The following GPR179 variants were observed in gnomAD, a reference collection of about 807,000 sequenced individuals.
GPR179 encodes probable G protein-coupled receptor 179.
Under a neutral mutation model 70.8 loss-of-function variants are expected in GPR179, and 52 were observed. That is an observed-to-expected ratio of 0.73 (90% CI 0.59 to 0.93). The LOEUF (loss-of-function observed/expected upper bound fraction) is 0.93. Ranked by LOEUF, GPR179 falls within the 40% of genes least tolerant of loss-of-function variation. The probability of loss-of-function intolerance (pLI) is 0.00; values close to 1 mark genes in which losing one functional copy is unlikely to be tolerated. For synonymous variants in GPR179, 1,123 were observed against 1,169.0 expected, an observed-to-expected ratio of 0.96 and a Z score of 0.80; for missense variants, 2,734 against 2,966.8, an observed-to-expected ratio of 0.92 and a Z score of 1.82.
intron 2 of GPR179, among the ~76,000 whole-genome samples, chr17:38,338,129 A>T (rs140827780): frequency 5.3e-5 from 8 of 152,200 alleles, no homozygotes; most frequent in African/African-American, 1.9e-4. Flanking sequence ...ATCAGCTTCC[A>T]TCTTTGGCAC....
intron 2 of GPR179, 86 bp from the exon 3 acceptor site, chr17:38,337,806 TAC>T: frequency 3.2e-5 from 37 of 1,145,262 alleles, no homozygotes; most frequent in African/African-American, 4.7e-5. Flanking sequence ...AGGGTCCATC[TAC>T]CTCCCTATCC....
In GPR179 at chr17:38,325,901, C is replaced by G. The variant is rs1321211595; in HGVS notation, c.*564G>C. 1 of 152,462 alleles carries G rather than the reference C, an allele frequency of 6.6e-6. No homozygotes were observed. Among genetic ancestry groups the G allele is most frequent in the Non-Finnish European group, 1.5e-5 (1 of 68,234 alleles). The allele number at this position is 152,462 out of a possible 1,614,324, so 9.4% of individuals were successfully genotyped here. A position where few individuals can be genotyped will look rare whatever the true frequency, so the allele number is the denominator to read the frequency against. ...AAGGTCCTTAAAGCATTTTCAGGCCCCTATTTTGAGTCATTTTAGCTTTTC... is the reference window on the plus strand; with the variant it reads ...AAGGTCCTTAAAGCATTTTCAGGCCGCTATTTTGAGTCATTTTAGCTTTTC... On this transcript the variant is annotated 3_prime_UTR_variant, in exon 11 of 11. Coordinates refer to ENST00000616987, the MANE Select transcript of GPR179 (RefSeq NM_001004334.4).
rs1194266728 is a variant in GPR179, at chr17:38,324,816, G to A, written c.*1649C>T. On this transcript the variant is annotated 3_prime_UTR_variant, in exon 11 of 11. Coordinates refer to ENST00000616987, the MANE Select transcript of GPR179 (RefSeq NM_001004334.4). ...ATAAGGGCCCTAGGTAAGAGAATGA[G>A]GACATCTGGTCCCCAAAGGAGAGTA... Among the ~76,000 whole-genome samples the A allele has an allele frequency of 6.6e-6, 1 of 152,170 alleles. No homozygotes were observed.
Position 38,327,814 on chromosome 17 carries a change from C to T in GPR179, c.5755G>A (p.Asp1919Asn), listed in dbSNP as rs769640059. The change falls in exon 11 of 11, where the codon GAC becomes AAC. Residue 1919 changes from aspartate to asparagine, a missense_variant. Coordinates refer to ENST00000616987, the MANE Select transcript of GPR179 (RefSeq NM_001004334.4). Reference protein sequence around the residue: ...EATEKGDLRQDPKTGSFPEHI... With the variant: ...EATEKGDLRQNPKTGSFPEHI... ...TCTGGGAAGGAACCTGTCTTTGGGT[C>T]TTGTCTCAGGTCCCCCTTCTCTGTT... The T allele has an allele frequency of 1.2e-6, 2 of 1,614,056 alleles. No individual in the cohort carries two copies. The highest frequency in any genetic ancestry group is 2.7e-5 in the African/African-American group (2 of 74,910).
At position 38,326,207 on chromosome 17, in the gene GPR179, TTAGAAG is replaced by T. The variant is rs1420282975; in HGVS notation, c.*252_*257del. 2 of 447,254 alleles carry T rather than the reference TTAGAAG, an allele frequency of 4.5e-6. No homozygotes were observed. The highest frequency in any genetic ancestry group is 3.8e-5 in the Admixed American group (1 of 26,068). 27.7% of individuals were successfully genotyped at this position (447,254 alleles called of 1,614,324 possible). A position where few individuals can be genotyped will look rare whatever the true frequency, so the allele number is the denominator to read the frequency against. On this transcript the variant is annotated 3_prime_UTR_variant, in exon 11 of 11. Transcript: ENST00000616987. Reference sequence around the variant, plus strand: ...TACTGTAGGTGGATGGGAGGCGTCCTTAGAAGTAGAGTGTCCAGTCTTTGTTTCCTC... The same window carrying T: ...TACTGTAGGTGGATGGGAGGCGTCCTTAGAGTGTCCAGTCTTTGTTTCCTC...
In GPR179 at chr17:38,334,506, C is replaced by A. The variant is rs973630371; in HGVS notation, c.1784+198G>T. Among the ~76,000 whole-genome samples, 1 of 151,876 alleles carries A rather than the reference C, an allele frequency of 6.6e-6. No individual in the cohort carries two copies. The stretch of plus-strand genomic sequence containing the variant: ...TCTTCCTCCTCTTCTGTGTTGGGGG[C>A]CTCCTCACCTGGGCCAGGCATGGAG... On this transcript the variant is annotated intron_variant, in intron 8 of 10. Transcript: ENST00000616987. The surrounding 1 kb of genome is among the most constrained non-coding windows in gnomAD (Gnocchi z 4.7).
In GPR179 at chr17:38,336,087, G is replaced by A. The variant is rs1216079048; in HGVS notation, c.1285C>T (p.Leu429Phe). Reference protein sequence around the residue: ...LETVLFGFLLLYFPVFILYFK... With the variant: ...LETVLFGFLLFYFPVFILYFK... The stretch of plus-strand genomic sequence containing the variant: ...GGCCACAGACTCACAGGAAAGTAAA[G>A]CAGCAGGAATCCAAAAAGGACAGTT... Residue 429 changes from leucine (L) to phenylalanine (F), a missense_variant, in exon 5 of 11, where the codon CTT becomes TTT. By Grantham distance (22) the Leu-to-Phe change is conservative (BLOSUM62 0). Coordinates refer to ENST00000616987, the MANE Select transcript of GPR179 (RefSeq NM_001004334.4). 6 of 1,612,844 alleles carry A rather than the reference G, an allele frequency of 3.7e-6. No individual in the cohort carries two copies. The Admixed American group carries it at 8.3e-5, about 22-fold the overall frequency.
chr17:38,334,723 C>T lies in GPR179; in HGVS notation c.1765G>A (p.Ala589Thr), dbSNP rs758265415. Residue 589 changes from alanine to threonine, a missense_variant, in exon 8 of 11, where the codon GCT (alanine) becomes ACT (threonine). By Grantham distance (58) the Ala-to-Thr change is moderately conservative. Coordinates refer to ENST00000616987, the MANE Select transcript of GPR179 (RefSeq NM_001004334.4). The surrounding 1 kb of genome is among the most constrained non-coding windows in gnomAD (Gnocchi z 4.7). ...CCTCACCTGGCTGTGTGGAAGGCAG[C>T]GGAAAGCAGTAGCTCATTGTGCAGG... Reference protein sequence around the residue: ...IALHNELLLSAAFHTARFVLV... With the variant: ...IALHNELLLSTAFHTARFVLV... The T allele has an allele frequency of 1.3e-5, 21 of 1,613,592 alleles. No homozygotes were observed. The highest frequency in any genetic ancestry group is 4.5e-5 in the East Asian group (2 of 44,872).
At chr17:38,335,350 G>A (rs1013937163) in intron 6 of GPR179, 79 bp from the exon 7 acceptor site, 1 of 1,090,534 alleles carries the variant, frequency 9.2e-7, no homozygotes, top group African/African-American at 1.6e-5. Flanking sequence ...CCTGGTCTCT[G>A]TCCATTGCTG....
chr17:38,331,624 C>A, intron 10 of GPR179, 93 bp from the exon 11 acceptor site: 1 of 1,503,680 alleles, frequency 6.7e-7, no homozygotes, highest in East Asian at 2.3e-5. Context: ...ACCTTTTTCC[C>A]TTAGGGATCT....
chr17:38,335,452 C>A, intron 6 of GPR179, 139 bp downstream of exon 6: 1 of 770,210 alleles, frequency 1.3e-6, no homozygotes, highest in Non-Finnish European at 2.2e-6. Context: ...GAAGACAAGG[C>A]TATGGTGATG....
At position 38,326,435 on chromosome 17, in the gene GPR179, C is replaced by G; in HGVS notation, c.*30G>C. The stretch of plus-strand genomic sequence containing the variant: ...AAGGGCCTTGGCTCCTGAAAGCTAG[C>G]TCTGTGTTTGACCTCACCTAATAAG... On this transcript the variant is annotated 3_prime_UTR_variant, in exon 11 of 11. Transcript: ENST00000616987. 2.6e-6 allele frequency: 4 copies of G among 1,517,246 alleles called. No homozygotes were observed. The South Asian group carries it at 5.0e-5, about 19-fold the overall frequency. The allele number at this position is 1,517,246 out of a possible 1,614,324, so 94.0% of individuals were successfully genotyped here. A position where few individuals can be genotyped will look rare whatever the true frequency, so the allele number is the denominator to read the frequency against.
At position 38,334,825 on chromosome 17, in the gene GPR179, ACAG is replaced by A. The variant is rs754250424; in HGVS notation, c.1660_1662del (p.Leu554del). On this transcript the variant is annotated inframe_deletion, in exon 8 of 11. Transcript: ENST00000616987. This position sits in a 1 kb window ranked among gnomAD's most constrained non-coding sequence, Gnocchi z 4.7. ...GCGTAGCAGAGGAAGCTGCCCCAGC[ACAG>A]CAGCAGCAGCTCAGCTGTGGGGAGA... The A allele has an allele frequency of 1.9e-6, 3 of 1,612,514 alleles. No individual in the cohort carries two copies.
chr17:38,327,499 T>A lies in GPR179; in HGVS notation c.6070A>T (p.Thr2024Ser), dbSNP rs765238450. ...ACCCCTTTGACAGGGATTCTTTCAG[T>A]CACTTCCCAGGGACAGGTCTCAGCC... ...AKAETCPWEV[T>S]ERIPVKGVSR... The change falls in exon 11 of 11, where the codon ACT (threonine) becomes TCT (serine). Residue 2024 changes from threonine (T) to serine (S), a missense_variant. Physicochemically the swap from Thr to Ser is moderately conservative, Grantham distance 58. Coordinates refer to ENST00000616987, the MANE Select transcript of GPR179 (RefSeq NM_001004334.4). The A allele has an allele frequency of 3.1e-6, 5 of 1,614,116 alleles. No individual in the cohort carries two copies. In the East Asian group the frequency reaches 1.1e-4, roughly 36 times the overall value.
rs758872813 is a variant in GPR179, at chr17:38,327,565, C to T, written c.6004G>A (p.Val2002Ile). 7 of 1,614,050 alleles carry T rather than the reference C, an allele frequency of 4.3e-6. No homozygotes were observed. In the South Asian group the frequency reaches 4.4e-5, roughly 10 times the overall value. Residue 2002 changes from valine to isoleucine, a missense_variant, in exon 11 of 11, where the codon GTT becomes ATT. Coordinates refer to ENST00000616987, the MANE Select transcript of GPR179 (RefSeq NM_001004334.4). Reference sequence around the variant, plus strand: ...GATTTATACACACCTGCATCAGGAACATCCCATGGGCACACGTCAGCGGCC... The same window carrying T: ...GATTTATACACACCTGCATCAGGAATATCCCATGGGCACACGTCAGCGGCC... ...GRAADVCPWD[V>I]PDAGVYKSDS...
chr17:38,330,320 G>A lies in GPR179; in HGVS notation c.3249C>T (p.Ser1083=). The A allele has an allele frequency of 1.2e-6, 2 of 1,613,700 alleles. No homozygotes were observed. Among genetic ancestry groups the A allele is most frequent in the East Asian group, 4.5e-5 (2 of 44,868 alleles). ...HSLKAPVQQG[S]MRSLGLAIKA... is the part of the protein sequence containing the mutation. ...TAATCGCCAGCCCCAGGCTGCGCAT[G>A]GAACCCTGCTGAACAGGGGCCTTGA... The change falls in exon 11 of 11, where the codon TCC becomes TCT. Residue 1083 remains serine (S), a synonymous_variant. Transcript: ENST00000616987.
intron 10 of GPR179, among the ~76,000 whole-genome samples, chr17:38,332,995 C>A (rs867005475): frequency 6.6e-6 from 1 of 152,232 alleles, no homozygotes. Context: ...CACTCTCGGC[C>A]CTGCCTCTAG....
chr17:38,343,763 G>T lies in GPR179; in HGVS notation c.27C>A (p.Pro9=). Reference sequence around the variant, plus strand: ...AGCCCAGCAGCCCCCACATAGGAGGGGGCATGACCGCTCCCCTGGTGCCCA... The same window carrying T: ...AGCCCAGCAGCCCCCACATAGGAGGTGGCATGACCGCTCCCCTGGTGCCCA... The part of the protein sequence containing the change: MGTRGAVM[P]PPMWGLLGCC... Residue 9 remains proline, a synonymous_variant, in exon 1 of 11, where the codon CCC becomes CCA. Transcript: ENST00000616987. This position sits in a 1 kb window ranked among gnomAD's most constrained non-coding sequence, Gnocchi z 4.2. 1 of 1,526,086 alleles carries T rather than the reference G, an allele frequency of 6.6e-7. No homozygotes were observed. Among genetic ancestry groups the T allele is most frequent in the Non-Finnish European group, 8.8e-7 (1 of 1,137,750 alleles). The allele number at this position is 1,526,086 out of a possible 1,614,324, so 94.5% of individuals were successfully genotyped here.
chr17:38,327,593 G>A lies in GPR179; in HGVS notation c.5976C>T (p.Gly1992=). The A allele has an allele frequency of 6.2e-7, 1 of 1,614,144 alleles. No homozygotes were observed. The highest frequency in any genetic ancestry group is 8.5e-7 in the Non-Finnish European group (1 of 1,180,036). Reference sequence around the variant, plus strand: ...CCCATGGGCACACGTCAGCGGCCCTGCCCCCAGTGCTGACCAGTCTCTGGG... The same window carrying A: ...CCCATGGGCACACGTCAGCGGCCCTACCCCCAGTGCTGACCAGTCTCTGGG... ...ASSQRLVSTG[G]RAADVCPWDV... is the part of the protein sequence containing the mutation. The change falls in exon 11 of 11, where the codon GGC becomes GGT. Residue 1992 remains glycine, a synonymous_variant. Coordinates refer to ENST00000616987, the MANE Select transcript of GPR179 (RefSeq NM_001004334.4).
Sources: allele counts gnomAD v4.1 joint callset (sites outside exome capture counted in the v4.1 genomes callset), GRCh38; gene constraint gnomAD v4.1.1; non-coding constraint Gnocchi (gnomAD v3.1); transcripts MANE v1.5; gene names NCBI Gene and HGNC (gene_info 2026-07-23, HGNC 2026-07-21).